The following DCC variants were observed in gnomAD, a reference collection of about 807,000 sequenced individuals.
DCC encodes the protein DCC netrin 1 receptor.
A neutral mutation model predicts 172.5 loss-of-function variants in DCC; 58 were observed. The ratio of observed to expected loss-of-function variants is 0.34; its 90% CI spans 0.27 to 0.42. The LOEUF is 0.42. Among genes scored for constraint, DCC ranks in the 10% least tolerant of loss-of-function variants. DCC has a pLI of 1.00. For missense variants in DCC, 1,740 were observed against 1,791.0 expected (o/e 0.97, Z 0.51); for synonymous variants, 709 against 644.5 (o/e 1.10, Z -1.52).
chr18:52,382,724 A>C lies in DCC; in HGVS notation c.91+41846A>C, dbSNP rs146435029. Among the ~76,000 whole-genome samples the C allele has an allele frequency of 2.8e-3, 429 of 152,200 alleles. 3 individuals are homozygous for C. The highest frequency in any genetic ancestry group is 0.01 in the Middle Eastern group (3 of 294). On this transcript the variant is annotated intron_variant, in intron 1 of 28. Transcript: ENST00000442544. ...GGTTCTGCCTTGGGTCTGTGGGTAG[A>C]TTGATGGTGACTTTAATGGAGATGG...
chr18:53,490,857 C>T (rs2045952636), intron 26 of DCC, among the ~76,000 whole-genome samples: 1 of 152,152 alleles, frequency 6.6e-6, no homozygotes, highest in African/African-American at 2.4e-5. Context: ...TTTTGCTCCA[C>T]TTAAAATATA....
intron 1 of DCC, among the ~76,000 whole-genome samples, chr18:52,395,062 T>G (rs1470472427): frequency 2.0e-5 from 3 of 151,982 alleles, no homozygotes; most frequent in African/African-American, 7.2e-5. Context: ...ATCTATCAAC[T>G]GTACAAGCCA....
At chr18:52,379,486 C>G (rs971417349) in intron 1 of DCC, among the ~76,000 whole-genome samples, 2 of 152,174 alleles carry the variant, frequency 1.3e-5, no homozygotes, top group Admixed American at 6.6e-5. Context: ...GTTCAACACT[C>G]TCCTCTCCAC....
At chr18:52,817,811 G>A (rs1481566604) in intron 2 of DCC, among the ~76,000 whole-genome samples, 1 of 151,864 alleles carries the variant, frequency 6.6e-6, no homozygotes, top group African/African-American at 2.4e-5. Context: ...ATATGTGTGT[G>A]TGTGTGTATA....
At chr18:53,259,667 G>A (rs2056569464) in intron 12 of DCC, among the ~76,000 whole-genome samples, 1 of 152,014 alleles carries the variant, frequency 6.6e-6, no homozygotes, top group Non-Finnish European at 1.5e-5. Context: ...TTCAACTTTG[G>A]TGAATCTGAC....
chr18:52,369,015 T>C (rs1984998344), intron 1 of DCC, among the ~76,000 whole-genome samples: 2 of 152,354 alleles, frequency 1.3e-5, no homozygotes, highest in East Asian at 1.9e-4. Context: ...CTACCTGTTA[T>C]AGTATCGGAG....
intron 1 of DCC, among the ~76,000 whole-genome samples, chr18:52,685,300 T>C (rs1379599398): frequency 3.3e-5 from 5 of 152,158 alleles, no homozygotes; most frequent in African/African-American, 1.2e-4. Flanking sequence ...AATTTTACTC[T>C]GGCCTGTTAA....
chr18:53,518,673 G>A (rs1186248826), intron 27 of DCC, among the ~76,000 whole-genome samples: 6 of 152,012 alleles, frequency 3.9e-5, no homozygotes, highest in Non-Finnish European at 5.9e-5. Context: ...AAACCAAAGC[G>A]ATGCTCACTT....
At chr18:53,026,008 A>G (rs957849943) in intron 5 of DCC, among the ~76,000 whole-genome samples, 8 of 152,200 alleles carry the variant, frequency 5.3e-5, no homozygotes, top group African/African-American at 1.4e-4. Context: ...CTTTTTCAAC[A>G]CAGAAAATGT....
intron 2 of DCC, among the ~76,000 whole-genome samples, chr18:52,754,627 T>C (rs1223114609): frequency 6.6e-6 from 1 of 152,216 alleles, no homozygotes; most frequent in Non-Finnish European, 1.5e-5. Context: ...ATGTCTGTTG[T>C]TTACAGCCTA....
intron 24 of DCC, among the ~76,000 whole-genome samples, chr18:53,460,489 T>C (rs1386355614): frequency 3.0e-5 from 4 of 134,454 alleles, no homozygotes; most frequent in Non-Finnish European, 6.2e-5. Context: ...TGTCCATGTG[T>C]TCTCATTGTT....
At chr18:52,687,468 A>G (rs1030793084) in intron 1 of DCC, among the ~76,000 whole-genome samples, 16 of 151,750 alleles carry the variant, frequency 1.1e-4, no homozygotes, top group African/African-American at 3.6e-4. Context: ...TATTTTTAGT[A>G]AAGACAAGGT....
At chr18:52,818,808 CATCAAAGCCATTTGGTGCAATAAAGA>C (rs2038351084) in intron 2 of DCC, among the ~76,000 whole-genome samples, 1 of 152,138 alleles carries the variant, frequency 6.6e-6, no homozygotes, top group Non-Finnish European at 1.5e-5. Context: ...GAGTAATGGG[CATCAAAGCCATTTGGTGCAATAAAGA>C]ATCATTACCT....
chr18:53,317,024 C>T (rs6508225), intron 13 of DCC, among the ~76,000 whole-genome samples: 30,773 of 152,120 alleles, frequency 0.2, 4,551 homozygotes, highest in African/African-American at 0.41. Context: ...TGTCTTGTGC[C>T]GGCTTTCAAA....
At chr18:53,261,849 T>C (rs751090681) in intron 12 of DCC, among the ~76,000 whole-genome samples, 68 of 152,126 alleles carry the variant, frequency 4.5e-4, no homozygotes, top group South Asian at 8.3e-4. Flanking sequence ...TCACCCCCAA[T>C]TAGTACTGGA....
At chr18:52,530,769 A>G (rs777086403) in intron 1 of DCC, among the ~76,000 whole-genome samples, 21 of 152,222 alleles carry the variant, frequency 1.4e-4, no homozygotes, top group Admixed American at 4.6e-4. Flanking sequence ...AGGTAATGGA[A>G]AAGTCCTAAG....
intron 2 of DCC, among the ~76,000 whole-genome samples, chr18:52,832,538 C>A (rs1383023680): frequency 6.6e-6 from 1 of 152,114 alleles, no homozygotes; most frequent in Non-Finnish European, 1.5e-5. Flanking sequence ...AGAATCCCTG[C>A]TGTACTAACT....
At position 53,257,416 on chromosome 18, in the gene DCC, G is replaced by A. The variant is rs184882164; in HGVS notation, c.1911+41819G>A. 1.2e-4 allele frequency among the ~76,000 whole-genome samples: 19 copies of A among 152,286 alleles called. 1 individual carries two copies. In the East Asian group the frequency reaches 3.5e-3, roughly 28 times the overall value. ...ATAACTAATTTATTGAGAATTTTTAGCATGAAAGTTGTTGAATTTTGTCAA... is the reference window on the plus strand; with the variant it reads ...ATAACTAATTTATTGAGAATTTTTAACATGAAAGTTGTTGAATTTTGTCAA... On this transcript the variant is annotated intron_variant, in intron 12 of 28. Coordinates refer to ENST00000442544, the MANE Select transcript of DCC (RefSeq NM_005215.4).
In DCC at chr18:52,669,209, G is replaced by A. The variant is rs117750375; in HGVS notation, c.92-82845G>A. 6.3e-3 allele frequency among the ~76,000 whole-genome samples: 958 copies of A among 152,260 alleles called. 34 individuals carry two copies. Among genetic ancestry groups the A allele is most frequent in the East Asian group, 0.06 (311 of 5,154 alleles). Reference sequence around the variant, plus strand: ...GGGGGCCGCAAGATTAGATGAGCCAGTTTATCCATCTTAGTGGTGCCAGCA... The same window carrying A: ...GGGGGCCGCAAGATTAGATGAGCCAATTTATCCATCTTAGTGGTGCCAGCA... On this transcript the variant is annotated intron_variant, in intron 1 of 28. Transcript: ENST00000442544.
Sources: gnomAD v4.1 joint callset for allele counts (sites outside exome capture counted in the v4.1 genomes callset) on GRCh38, gnomAD v4.1.1 for gene constraint, MANE v1.5 for transcripts, NCBI Gene and HGNC (gene_info 2026-07-23, HGNC 2026-07-21) for gene names.